GOLGA3: variants seen among roughly 807,000 people sequenced by gnomAD.
GOLGA3 encodes golgin A3.
Under a neutral mutation model 169.4 loss-of-function variants are expected in GOLGA3, and 75 were observed. The ratio of observed to expected loss-of-function variants is 0.44; its 90% CI spans 0.37 to 0.54. The LOEUF (loss-of-function observed/expected upper bound fraction) is 0.54. GOLGA3 is among the 20% of genes least tolerant of loss of function. The probability of loss-of-function intolerance (pLI) is 0.00; values close to 1 mark genes in which losing one functional copy is unlikely to be tolerated. For synonymous variants in GOLGA3, 824 were observed against 822.4 expected, an observed-to-expected ratio of 1.00 and a Z score of -0.03; for missense variants, 1,899 against 1,930.0, an observed-to-expected ratio of 0.98 and a Z score of 0.30.
chr12:132,797,811 G>A (rs1948928255), intron 9 of GOLGA3, among the ~76,000 whole-genome samples: 2 of 152,250 alleles, frequency 1.3e-5, no homozygotes, highest in South Asian at 4.1e-4. Flanking sequence ...CTGTCCTCTG[G>A]AGATGGCTGT....
rs1466575855 is a variant in GOLGA3 at position 132,771,394 on chromosome 12, C to T, written c.*1711G>A. The T allele has an allele frequency of 1.3e-5, 2 of 152,232 alleles. No homozygotes were observed. The highest frequency in any genetic ancestry group is 6.6e-5 in the Admixed American group (1 of 15,258). The allele number at this position is 152,232 out of a possible 1,614,324, so 9.4% of individuals were successfully genotyped here. On this transcript the variant is annotated 3_prime_UTR_variant, in exon 24 of 24. Transcript: ENST00000450791. ...GCCACGCGGACCCATTCTCTCTCTC[C>T]TAACTCATATAATAAATATTATTTT...
intron 21 of GOLGA3, among the ~76,000 whole-genome samples, chr12:132,776,031 G>A (rs974108893): frequency 2.6e-5 from 4 of 152,234 alleles, no homozygotes; most frequent in East Asian, 3.8e-4. Flanking sequence ...GTGGCTTTGC[G>A]AGCGCCCCAC....
chr12:132,777,621 G>A lies in GOLGA3; in HGVS notation c.3722+45C>T. 6.2e-7 allele frequency: 1 copy of A among 1,608,292 alleles called. No individual in the cohort carries two copies. Among genetic ancestry groups the A allele is most frequent in the Non-Finnish European group, 8.5e-7 (1 of 1,176,812 alleles). Reference sequence around the variant, plus strand: ...AGGTGTGAATTAGACCCCGCCCATTGCCAGGACAGCCATGTTTGAGGGCTG... The same window carrying A: ...AGGTGTGAATTAGACCCCGCCCATTACCAGGACAGCCATGTTTGAGGGCTG... On this transcript the variant is annotated intron_variant, in intron 19 of 23. Transcript: ENST00000450791. The surrounding 1 kb of genome is among the most constrained non-coding windows in gnomAD (Gnocchi z 4.7).
In GOLGA3 at chr12:132,771,399, TC is replaced by T. The variant is rs1260659384; in HGVS notation, c.*1705del. 1.6e-4 allele frequency: 25 copies of T among 152,170 alleles called. No individual in the cohort carries two copies. Among genetic ancestry groups the T allele is most frequent in the African/African-American group, 5.8e-4 (24 of 41,434 alleles). 9.4% of individuals were successfully genotyped at this position (152,170 alleles called of 1,614,324 possible). A position where few individuals can be genotyped will look rare whatever the true frequency, so the allele number is the denominator to read the frequency against. On this transcript the variant is annotated 3_prime_UTR_variant, in exon 24 of 24. Coordinates refer to ENST00000450791, the MANE Select transcript of GOLGA3 (RefSeq NM_001389683.1). ...GCGGACCCATTCTCTCTCTCCTAACTCATATAATAAATATTATTTTAGATTT... is the reference window on the plus strand; with the variant it reads ...GCGGACCCATTCTCTCTCTCCTAACTATATAATAAATATTATTTTAGATTT...
Position 132,770,133 on chromosome 12 carries a change from T to C in GOLGA3, c.*2972A>G, listed in dbSNP as rs1374063030. ...CTGTAATCCCAGCTACTGGGGAGAA[T>C]GAGGCAGGAGAATCGCTTGAACCCA... On this transcript the variant is annotated 3_prime_UTR_variant, in exon 24 of 24. Transcript: ENST00000450791. 1 of 150,130 alleles carries C rather than the reference T, an allele frequency of 6.7e-6. No homozygotes were observed. Among genetic ancestry groups the C allele is most frequent in the African/African-American group, 2.5e-5 (1 of 40,516 alleles). The allele number at this position is 150,130 out of a possible 1,614,324, so 9.3% of individuals were successfully genotyped here.
At chr12:132,809,430 A>ACCCCCGCC (rs1225961281) in intron 4 of GOLGA3, among the ~76,000 whole-genome samples, 3 of 74,596 alleles carry the variant, frequency 4.0e-5, no homozygotes, top group Non-Finnish European at 5.7e-5. Context: ...ACCAACCCCC[A>ACCCCCGCC]CCCCCGCCCC....
chr12:132,823,712 G>A (rs755538730), intron 1 of GOLGA3, among the ~76,000 whole-genome samples: 2 of 152,018 alleles, frequency 1.3e-5, no homozygotes, highest in Non-Finnish European at 2.9e-5. Context: ...ACTTGAACCT[G>A]GGAGGCGGAG....
chr12:132,780,306 T>A (rs948937711), intron 18 of GOLGA3, among the ~76,000 whole-genome samples: 2 of 152,060 alleles, frequency 1.3e-5, no homozygotes, highest in African/African-American at 4.8e-5. Flanking sequence ...AGCAGCAGCG[T>A]TCTAACAGAG....
chr12:132,779,853 GCACA>G (rs2045469075), intron 18 of GOLGA3, among the ~76,000 whole-genome samples: 1 of 89,010 alleles, frequency 1.1e-5, no homozygotes. Context: ...ACCCCCCCGC[GCACA>G]TACACACACC....
At chr12:132,780,711 G>T in intron 18 of GOLGA3, 87 bp downstream of exon 18, 1 of 820,550 alleles carries the variant, frequency 1.2e-6, no homozygotes, top group Non-Finnish European at 2.1e-6. Context: ...CTGCTGGAAG[G>T]AGGCTGGTGT....
Position 132,788,907 on chromosome 12 carries a change from C to T in GOLGA3, c.2811+120G>A, listed in dbSNP as rs1190978941. On this transcript the variant is annotated intron_variant, in intron 13 of 23. Coordinates refer to ENST00000450791, the MANE Select transcript of GOLGA3 (RefSeq NM_001389683.1). ...CCTTGGCCCCACCCCAGACACAGGC[C>T]CCGACCCAGACAGACCCCGCCCCAG... The T allele has an allele frequency of 5.3e-5, 27 of 512,046 alleles. 1 individual carries two copies. In the South Asian group the frequency reaches 7.9e-4, roughly 15 times the overall value. 31.7% of individuals were successfully genotyped at this position (512,046 alleles called of 1,614,324 possible).
chr12:132,798,188 G>GT, intron 9 of GOLGA3, 152 bp downstream of exon 9: 1 of 570,532 alleles, frequency 1.8e-6, no homozygotes, highest in Non-Finnish European at 2.8e-6. Context: ...GTGGGGGGGG[G>GT]GTCCCAAAGC....
At chr12:132,824,089 C>CA (rs1056978023) in intron 1 of GOLGA3, among the ~76,000 whole-genome samples, 13 of 152,186 alleles carry the variant, frequency 8.5e-5, no homozygotes, top group African/African-American at 2.6e-4. Flanking sequence ...TCTCAAAAAA[C>CA]AAAAAACAAC....
intron 2 of GOLGA3, among the ~76,000 whole-genome samples, chr12:132,821,252 C>T (rs1476579214): frequency 6.6e-6 from 1 of 151,396 alleles, no homozygotes; most frequent in Non-Finnish European, 1.5e-5. Flanking sequence ...ACTAAAAATA[C>T]AAAAAATAGC....
chr12:132,815,319 G>A (rs894236401), intron 3 of GOLGA3, among the ~76,000 whole-genome samples: 1 of 152,168 alleles, frequency 6.6e-6, no homozygotes, highest in Non-Finnish European at 1.5e-5. Context: ...GCGCCAGCAG[G>A]AACAGGTGAC....
intron 2 of GOLGA3, among the ~76,000 whole-genome samples, chr12:132,821,113 A>AAAAAAAAAAG: frequency 6.7e-6 from 1 of 149,690 alleles, no homozygotes; most frequent in Non-Finnish European, 1.5e-5. Flanking sequence ...AAAAAAAAAA[A>AAAAAAAAAAG]AAAAAAAAAA....
chr12:132,800,617 T>C (rs1355869512), intron 8 of GOLGA3, among the ~76,000 whole-genome samples: 1 of 152,152 alleles, frequency 6.6e-6, no homozygotes, highest in Non-Finnish European at 1.5e-5. Flanking sequence ...AAATAAAGTT[T>C]TAATAAATTT....
At chr12:132,795,214 G>T (rs151226566) in intron 11 of GOLGA3, among the ~76,000 whole-genome samples, 1 of 151,664 alleles carries the variant, frequency 6.6e-6, no homozygotes. Flanking sequence ...AAAAGGGGTC[G>T]GGCGCGGTGG....
At chr12:132,809,414 G>A (rs1479984737) in intron 4 of GOLGA3, among the ~76,000 whole-genome samples, 1 of 152,124 alleles carries the variant, frequency 6.6e-6, no homozygotes, top group Non-Finnish European at 1.5e-5. Context: ...CCGGGGAAAG[G>A]GAGACACCAA....
Sources: gnomAD v4.1 joint callset for allele counts (sites outside exome capture counted in the v4.1 genomes callset) on GRCh38, gnomAD v4.1.1 for gene constraint, Gnocchi (gnomAD v3.1) non-coding constraint, MANE v1.5 for transcripts, NCBI Gene and HGNC (gene_info 2026-07-23, HGNC 2026-07-21) for gene names.